The following HMGB1 variants were observed in gnomAD, a reference collection of about 807,000 sequenced individuals.
The protein encoded by HMGB1 is high mobility group protein B1.
For missense variants in HMGB1, 79 were observed against 253.5 expected (o/e 0.31, Z 4.67); for synonymous variants, 81 against 84.0 (o/e 0.96, Z 0.19).
At chr13:30,538,451 A>ATTCT (rs760828749) in intron 1 of HMGB1, among the ~76,000 whole-genome samples, 1,279 of 90,598 alleles carry the variant, frequency 0.014, 153 homozygotes, top group African/African-American at 0.052. Context: ...AGTACTAGCA[A>ATTCT]TTCTTTCTTT....
chr13:30,595,396 C>T (rs1033255449), intron 1 of HMGB1, among the ~76,000 whole-genome samples: 3 of 152,104 alleles, frequency 2.0e-5, no homozygotes, highest in African/African-American at 4.8e-5. Context: ...AAGGCTGTAA[C>T]GACTTCTGTA....
intron 1 of HMGB1, among the ~76,000 whole-genome samples, chr13:30,594,802 G>C (rs190122290): frequency 6.6e-6 from 1 of 152,278 alleles, no homozygotes; most frequent in African/African-American, 2.4e-5. Context: ...CTCCACAGGG[G>C]TAGAACTAAT....
At chr13:30,580,996 A>C (rs968958807) in intron 1 of HMGB1, among the ~76,000 whole-genome samples, 3 of 152,122 alleles carry the variant, frequency 2.0e-5, no homozygotes, top group Admixed American at 1.3e-4. Context: ...GCTGGAGTGC[A>C]TCATAGCTCA....
chr13:30,474,959 G>GTT (rs776923842), intron 1 of HMGB1, among the ~76,000 whole-genome samples: 5 of 64,030 alleles, frequency 7.8e-5, no homozygotes, highest in Admixed American at 2.4e-4. Flanking sequence ...TTCTTTTTTT[G>GTT]TTTTTTTTTT....
intron 1 of HMGB1, among the ~76,000 whole-genome samples, chr13:30,551,116 A>G (rs1454017177): frequency 6.6e-6 from 1 of 152,234 alleles, no homozygotes; most frequent in Non-Finnish European, 1.5e-5. Context: ...ATCTACTATC[A>G]TGATTTCTAA....
At chr13:30,613,180 A>G (rs996789176) in intron 1 of HMGB1, among the ~76,000 whole-genome samples, 1 of 152,148 alleles carries the variant, frequency 6.6e-6, no homozygotes, top group African/African-American at 2.4e-5. Context: ...CCCAGGATCA[A>G]GCCATTTTCA....
intron 1 of HMGB1, among the ~76,000 whole-genome samples, chr13:30,530,245 T>A (rs1018435835): frequency 6.6e-6 from 1 of 152,210 alleles, no homozygotes; most frequent in Admixed American, 6.5e-5. Flanking sequence ...AGGCTACCTG[T>A]ATAGAGTGTA....
In HMGB1 at chr13:30,584,625, T is replaced by C. The variant is rs539648556; in HGVS notation, c.-15+32046A>G. ...GACTAGCTATGACACATTTTACTTA[T>C]ATAATTTCATTTTCTCAGCAAAATG... On this transcript the variant is annotated intron_variant, in intron 1 of 4. Coordinates refer to the HMGB1 transcript ENST00000405805. Among the ~76,000 whole-genome samples the C allele has an allele frequency of 3.3e-5, 5 of 152,354 alleles. No homozygotes were observed. In the East Asian group the frequency reaches 7.7e-4, roughly 23 times the overall value.
intron 1 of HMGB1, among the ~76,000 whole-genome samples, chr13:30,614,828 A>G (rs1478071684): frequency 6.6e-6 from 1 of 151,208 alleles, no homozygotes; most frequent in Non-Finnish European, 1.5e-5. Context: ...CCTCCCGAGT[A>G]GCTGGGTTTA....
intron 1 of HMGB1, among the ~76,000 whole-genome samples, chr13:30,592,871 T>TAAA (rs376893348): frequency 3.6e-5 from 5 of 139,188 alleles, no homozygotes; most frequent in Admixed American, 1.5e-4. Context: ...TGCTTTTTTT[T>TAAA]AAAAAAAAAA....
At chr13:30,531,532 GTGT>G (rs1888494963) in intron 1 of HMGB1, among the ~76,000 whole-genome samples, 1 of 151,044 alleles carries the variant, frequency 6.6e-6, no homozygotes, top group East Asian at 1.9e-4. Flanking sequence ...GTGTGTGTGT[GTGT>G]GTGTGTGTGT....
At chr13:30,527,106 G>A (rs1888386216) in intron 1 of HMGB1, among the ~76,000 whole-genome samples, 1 of 152,220 alleles carries the variant, frequency 6.6e-6, no homozygotes, top group South Asian at 2.1e-4. Context: ...TCCTCACAGA[G>A]CAGGGGCCGC....
intron 1 of HMGB1, among the ~76,000 whole-genome samples, chr13:30,482,170 G>T (rs1887245737): frequency 6.6e-6 from 1 of 152,168 alleles, no homozygotes; most frequent in Admixed American, 6.5e-5. Flanking sequence ...ACTGAGGCAG[G>T]ACACCTGAAG....
rs1275883392 is a variant in HMGB1, at chr13:30,502,836, C to T, written c.-14-39142G>A. ...GATTACAGGTGCCTGCCACCATACC[C>T]GGCTAATTTTTGTATTTTTAATAGA... On this transcript the variant is annotated intron_variant, in intron 1 of 4. Transcript: ENST00000405805. Among the ~76,000 whole-genome samples, 7 of 151,752 alleles carry T rather than the reference C, an allele frequency of 4.6e-5. No individual in the cohort carries two copies. The East Asian group carries it at 5.8e-4, about 13-fold the overall frequency.
intron 1 of HMGB1, chr13:30,464,708 T>G (rs868456838): frequency 3.7e-6 from 2 of 540,888 alleles, no homozygotes; most frequent in Non-Finnish European, 4.5e-6. Context: ...CTTCTCCGCC[T>G]GCGCCGCCGC....
intron 1 of HMGB1, among the ~76,000 whole-genome samples, chr13:30,524,347 A>AG (rs1888313274): frequency 4.1e-5 from 2 of 48,456 alleles, no homozygotes; most frequent in Non-Finnish European, 8.7e-5. Flanking sequence ...TAAAAAAAAA[A>AG]AAAAAAAAAA....
At chr13:30,465,693 T>C in intron 1 of HMGB1, 103 bp downstream of exon 1, 1 of 510,670 alleles carries the variant, frequency 2.0e-6, no homozygotes. Flanking sequence ...TGCCTTTGTG[T>C]GGATCCTGAC....
At chr13:30,505,748 G>C (rs1389207325) in intron 1 of HMGB1, among the ~76,000 whole-genome samples, 1 of 152,128 alleles carries the variant, frequency 6.6e-6, no homozygotes, top group Non-Finnish European at 1.5e-5. Context: ...GGATTAGTGT[G>C]AAGCAATGAT....
intron 4 of HMGB1, among the ~76,000 whole-genome samples, chr13:30,462,007 G>A (rs1245899178): frequency 6.6e-6 from 1 of 152,076 alleles, no homozygotes; most frequent in Admixed American, 6.6e-5. Context: ...TTTTCAGAAT[G>A]ACTAAAGCTG....
Sources: allele counts gnomAD v4.1 joint callset (sites outside exome capture counted in the v4.1 genomes callset), GRCh38; gene constraint gnomAD v4.1.1; transcripts MANE v1.5; gene names NCBI Gene and HGNC (gene_info 2026-07-23, HGNC 2026-07-21).